ZNF541: variants seen among roughly 807,000 people sequenced by gnomAD.
ZNF541 encodes the protein zinc finger protein 541.
In ZNF541, 23 loss-of-function variants were observed where a neutral mutation model predicts 123.5. The observed-to-expected ratio is 0.19, with a 90% CI of 0.13 to 0.26. ZNF541 has a LOEUF of 0.26. Among genes scored for constraint, ZNF541 ranks in the 10% least tolerant of loss-of-function variants. ZNF541 has a pLI of 1.00. For synonymous variants in ZNF541, 751 were observed against 754.5 expected (o/e 1.00, Z 0.08); for missense variants, 1,612 against 1,789.9 (o/e 0.90, Z 1.79).
Position 47,558,108 on chromosome 19 carries a change from TA to T in ZNF541, c.-98-2155del, listed in dbSNP as rs1356911006. Among the ~76,000 whole-genome samples, 4 of 151,588 alleles carry T rather than the reference TA, an allele frequency of 2.6e-5. 1 individual carries two copies. Among genetic ancestry groups the T allele is most frequent in the African/African-American group, 9.7e-5 (4 of 41,332 alleles). ...ACATCACTAATGGCCTTAGAAAAAA[TA>T]AGAAGGATTATAAAAGAATACTACA... On this transcript the variant is annotated intron_variant, in intron 2 of 16. Coordinates refer to ENST00000391901, the MANE Select transcript of ZNF541 (RefSeq NM_001277075.3).
At chr19:47,550,026 C>T (rs986556163) in intron 3 of ZNF541, among the ~76,000 whole-genome samples, 4 of 151,926 alleles carry the variant, frequency 2.6e-5, no homozygotes, top group South Asian at 2.1e-4. Context: ...CTGAAGCAGG[C>T]GGATCATTTG....
At chr19:47,531,441 G>A (rs1244621723) in intron 12 of ZNF541, among the ~76,000 whole-genome samples, 1 of 151,986 alleles carries the variant, frequency 6.6e-6, no homozygotes, top group African/African-American at 2.4e-5. Context: ...CAGACAAGTA[G>A]CTATGAATTG....
chr19:47,554,432 A>C (rs1011976477), intron 3 of ZNF541, among the ~76,000 whole-genome samples: 1 of 152,176 alleles, frequency 6.6e-6, no homozygotes, highest in African/African-American at 2.4e-5. Flanking sequence ...CTCCGTCTCA[A>C]AAAAAAAGAA....
chr19:47,528,892 C>A, intron 14 of ZNF541, 58 bp downstream of exon 14: 1 of 1,436,424 alleles, frequency 7.0e-7, no homozygotes, highest in South Asian at 1.2e-5. Context: ...CCCTGCAGCT[C>A]TAGCTTGTCT....
At position 47,540,169 on chromosome 19, in the gene ZNF541, C is replaced by T. The variant is rs962850963; in HGVS notation, c.2622+7G>A. ...TAACCACCAAGCCACTGGTCGTCCC[C>T]CTTCACCTGCGGTTCCTGCTTCCCT... On this transcript the variant is annotated splice_region_variant and intron_variant, in intron 7 of 16. Coordinates refer to ENST00000391901, the MANE Select transcript of ZNF541 (RefSeq NM_001277075.3). 42 of 1,549,400 alleles carry T rather than the reference C, an allele frequency of 2.7e-5. No individual in the cohort carries two copies. The highest frequency in any genetic ancestry group is 3.1e-5 in the Non-Finnish European group (35 of 1,146,490).
In ZNF541 at chr19:47,532,899, C is replaced by G. The variant is rs185255795; in HGVS notation, c.3158+10G>C. ...GTAAAAGCAGCTTCACTGGAAAGGA[C>G]CCAACTTACGGCTCAATGCTGATTT... is the stretch of plus-strand genomic sequence containing the variant. On this transcript the variant is annotated intron_variant, in intron 10 of 16. Transcript: ENST00000391901. 2.6e-6 allele frequency: 4 copies of G among 1,549,662 alleles called. No homozygotes were observed. The highest frequency in any genetic ancestry group is 3.5e-6 in the Non-Finnish European group (4 of 1,145,978).
chr19:47,545,028 G>A lies in ZNF541; in HGVS notation c.1501C>T (p.Pro501Ser). Residue 501 changes from proline (P) to serine (S), a missense_variant, in exon 5 of 17, where the codon CCC becomes TCC. Coordinates refer to ENST00000391901, the MANE Select transcript of ZNF541 (RefSeq NM_001277075.3). This position sits in a 1 kb window ranked among gnomAD's most constrained non-coding sequence, Gnocchi z 7.5. ...TCGCAGTCGACCTTGACCTTCTTGGGGGCGCAGGGGTCATCTTCCCCGCTG... is the reference window on the plus strand; with the variant it reads ...TCGCAGTCGACCTTGACCTTCTTGGAGGCGCAGGGGTCATCTTCCCCGCTG... ...SASGEDDPCA[P>S]KKVKVDCDSF... 3 of 1,492,058 alleles carry A rather than the reference G, an allele frequency of 2.0e-6. No homozygotes were observed. In the East Asian group the frequency reaches 7.4e-5, roughly 37 times the overall value. 92.4% of individuals were successfully genotyped at this position (1,492,058 alleles called of 1,614,324 possible).
intron 8 of ZNF541, 132 bp downstream of exon 8, chr19:47,539,573 A>G: frequency 9.6e-7 from 1 of 1,045,936 alleles, no homozygotes. Context: ...AAGTGCTGGG[A>G]TTACAGGCAT....
In ZNF541 at chr19:47,545,885, C is replaced by T; in HGVS notation, c.644G>A (p.Arg215Gln). 1 of 1,549,118 alleles carries T rather than the reference C, an allele frequency of 6.5e-7. No homozygotes were observed. Among genetic ancestry groups the T allele is most frequent in the Non-Finnish European group, 8.7e-7 (1 of 1,146,072 alleles). The stretch of plus-strand genomic sequence containing the variant: ...CAGGCCGTGATGGACCTCGTAGTGC[C>T]GGCGCAGAGAGCGGTAGTCGCAGTA... ...KSYCDYRSLR[R>Q]HYEVHHGLCI... The change falls in exon 5 of 17, where the codon CGG becomes CAG. Residue 215 changes from arginine (R) to glutamine (Q), a missense_variant. Physicochemically the swap from Arg to Gln is conservative, Grantham distance 43. Around this residue, in one of 5 missense-constraint regions of ZNF541, gnomAD observed 212 missense variants for 289.6 expected, o/e 0.73. Coordinates refer to ENST00000391901, the MANE Select transcript of ZNF541 (RefSeq NM_001277075.3). This position sits in a 1 kb window ranked among gnomAD's most constrained non-coding sequence, Gnocchi z 7.5.
chr19:47,558,160 T>C (rs1355573801), intron 2 of ZNF541, among the ~76,000 whole-genome samples: 4 of 152,192 alleles, frequency 2.6e-5, no homozygotes, highest in Admixed American at 6.5e-5. Flanking sequence ...CTTACGCCTG[T>C]AATCCCAGCA....
rs186408785 is a variant in ZNF541, at chr19:47,562,361, T to A, written c.-98-6407A>T. On this transcript the variant is annotated intron_variant, in intron 2 of 16. Transcript: ENST00000391901. ...GAGTTCAAGACCAGCCTGGCCAACATGGTGAAACGCCATCTCTACTAAAAA... is the reference window on the plus strand; with the variant it reads ...GAGTTCAAGACCAGCCTGGCCAACAAGGTGAAACGCCATCTCTACTAAAAA... 3.9e-5 allele frequency among the ~76,000 whole-genome samples: 6 copies of A among 151,968 alleles called. No homozygotes were observed. In the East Asian group the frequency reaches 1.2e-3, roughly 29 times the overall value.
rs1969034511 is a variant in ZNF541, at chr19:47,521,637, C to T, written c.3729G>A (p.Arg1243=). The change falls in exon 16 of 17, where the codon CGG becomes CGA. Residue 1243 remains arginine (R), a synonymous_variant. Coordinates refer to ENST00000391901, the MANE Select transcript of ZNF541 (RefSeq NM_001277075.3). The surrounding 1 kb of genome is among the most constrained non-coding windows in gnomAD (Gnocchi z 4.2). ...GAGTTGGATGGTGGCTGGGTCTCTC[C>T]CGAGGGCTGCATGGGACCTGCAGAG... ...RTEEKVPCSP[R]ERPSHHPTPK... 4 of 1,551,656 alleles carry T rather than the reference C, an allele frequency of 2.6e-6. No homozygotes were observed. The highest frequency in any genetic ancestry group is 2.4e-5 in the South Asian group (2 of 84,046).
At chr19:47,528,255 C>G (rs535284380) in intron 14 of ZNF541, among the ~76,000 whole-genome samples, 1 of 134,446 alleles carries the variant, frequency 7.4e-6, no homozygotes, top group African/African-American at 2.8e-5. Flanking sequence ...GCGGAGGTTG[C>G]GGTGAGCCAA....
In ZNF541 at chr19:47,538,370, G is replaced by A. The variant is rs1375436455; in HGVS notation, c.2866C>T (p.Pro956Ser). The change falls in exon 9 of 17, where the codon CCC becomes TCC. Residue 956 changes from proline (P) to serine (S), a missense_variant. Physicochemically the swap from Pro to Ser is moderately conservative, Grantham distance 74. Coordinates refer to ENST00000391901, the MANE Select transcript of ZNF541 (RefSeq NM_001277075.3). ...SSQQRKRKKR[P>S]PPSTAGEPGP... ...GGCTCCCCAGCCGTGGAGGGTGGGG[G>A]CCGCTTCTTCCGCTTTCTCTGCTGG... 1.9e-6 allele frequency: 3 copies of A among 1,544,212 alleles called. No individual in the cohort carries two copies. The highest frequency in any genetic ancestry group is 2.4e-5 in the East Asian group (1 of 40,830).
intron 2 of ZNF541, among the ~76,000 whole-genome samples, chr19:47,568,015 C>T (rs1971333522): frequency 6.6e-6 from 1 of 152,204 alleles, no homozygotes; most frequent in Admixed American, 6.6e-5. Flanking sequence ...TCTCCAGACT[C>T]TCAGCTCTAG....
Position 47,545,761 on chromosome 19 carries a change from G to C in ZNF541, c.768C>G (p.Ser256=). 1 of 1,542,454 alleles carries C rather than the reference G, an allele frequency of 6.5e-7. No homozygotes were observed. The highest frequency in any genetic ancestry group is 8.7e-7 in the Non-Finnish European group (1 of 1,145,088). ...AGQPPPSSLR[S]LVPPEARSPG... ...GGGACCTGGCCTCTGGGGGCACCAGGGACCGCAGGCTGCTGGGGGGCGGCT... is the reference window on the plus strand; with the variant it reads ...GGGACCTGGCCTCTGGGGGCACCAGCGACCGCAGGCTGCTGGGGGGCGGCT... Residue 256 remains serine (S), a synonymous_variant, in exon 5 of 17, where the codon TCC becomes TCG. Coordinates refer to ENST00000391901, the MANE Select transcript of ZNF541 (RefSeq NM_001277075.3). This position sits in a 1 kb window ranked among gnomAD's most constrained non-coding sequence, Gnocchi z 7.5.
intron 2 of ZNF541, among the ~76,000 whole-genome samples, chr19:47,563,047 G>T (rs1468822467): frequency 6.6e-6 from 1 of 152,144 alleles, no homozygotes; most frequent in Non-Finnish European, 1.5e-5. Flanking sequence ...TACTTTCTAA[G>T]AACTTTTCAT....
intron 8 of ZNF541, 161 bp from the exon 9 acceptor site, chr19:47,538,600 C>T (rs1402516607): frequency 2.4e-5 from 16 of 668,184 alleles, no homozygotes; most frequent in African/African-American, 7.3e-5. Context: ...CCAGACCTGA[C>T]GTACTGAGCC....
At chr19:47,567,403 C>T (rs995823622) in intron 2 of ZNF541, among the ~76,000 whole-genome samples, 10 of 152,090 alleles carry the variant, frequency 6.6e-5, no homozygotes, top group East Asian at 1.9e-4. Flanking sequence ...GGATTACAGG[C>T]GCCCGCCATC....
Sources: gnomAD v4.1 joint callset for allele counts (sites outside exome capture counted in the v4.1 genomes callset) on GRCh38, gnomAD v4.1.1 for gene constraint, gnomAD v4.1.1 regional missense constraint, Gnocchi (gnomAD v3.1) non-coding constraint, MANE v1.5 for transcripts, NCBI Gene and HGNC (gene_info 2026-07-23, HGNC 2026-07-21) for gene names.